The following CNKSR3 variants were observed in gnomAD, a reference collection of about 807,000 sequenced individuals.
CNKSR3 encodes the protein connector enhancer of kinase suppressor of ras 3.
In CNKSR3, 36 loss-of-function variants were observed where a neutral mutation model predicts 67.7. The observed-to-expected ratio is 0.53, with a 90% CI of 0.41 to 0.70. The LOEUF (loss-of-function observed/expected upper bound fraction) is 0.70. CNKSR3 is among the 30% of genes least tolerant of loss of function. The probability of loss-of-function intolerance (pLI) is 0.00; values close to 1 mark genes in which losing one functional copy is unlikely to be tolerated. For synonymous variants in CNKSR3, 281 were observed against 271.4 expected (o/e 1.04, Z -0.35); for missense variants, 630 against 695.2 (o/e 0.91, Z 1.05).
At chr6:154,413,789 C>G (rs1784957264) in intron 10 of CNKSR3, among the ~76,000 whole-genome samples, 1 of 152,028 alleles carries the variant, frequency 6.6e-6, no homozygotes, top group Non-Finnish European at 1.5e-5. Context: ...GCTCTGTCAC[C>G]CAGGCTGGAT....
intron 1 of CNKSR3, among the ~76,000 whole-genome samples, chr6:154,490,906 G>C (rs1391958425): frequency 6.6e-6 from 1 of 151,956 alleles, no homozygotes; most frequent in African/African-American, 2.4e-5. Context: ...GAGTGCAATG[G>C]CATGATCTTG....
intron 1 of CNKSR3, among the ~76,000 whole-genome samples, chr6:154,452,995 C>T (rs4870290): frequency 0.73 from 110,598 of 152,130 alleles, 40,748 homozygotes; most frequent in East Asian, 0.9. Flanking sequence ...AATACAAATA[C>T]AATAACATTT....
chr6:154,455,862 T>C (rs1316296710), intron 1 of CNKSR3, among the ~76,000 whole-genome samples: 1 of 111,384 alleles, frequency 9.0e-6, no homozygotes, highest in Admixed American at 1.1e-4. Context: ...AAAATAAAAC[T>C]CCAAGCCTCT....
At chr6:154,506,861 T>C (rs1488569298) in intron 1 of CNKSR3, among the ~76,000 whole-genome samples, 3 of 152,212 alleles carry the variant, frequency 2.0e-5, no homozygotes, top group Admixed American at 1.3e-4. Flanking sequence ...AGACATATAC[T>C]GGATGAGACT....
At chr6:154,474,671 T>A (rs766781642) in intron 1 of CNKSR3, among the ~76,000 whole-genome samples, 7 of 152,162 alleles carry the variant, frequency 4.6e-5, no homozygotes, top group Non-Finnish European at 5.9e-5. Flanking sequence ...GGTGTGCCCC[T>A]GGCACAGCCG....
chr6:154,490,091 CTTCT>C (rs1373573622), intron 1 of CNKSR3, among the ~76,000 whole-genome samples: 1 of 152,106 alleles, frequency 6.6e-6, no homozygotes, highest in Non-Finnish European at 1.5e-5. Flanking sequence ...TTAGTAGTTT[CTTCT>C]TTCTTTAATG....
At chr6:154,436,692 C>G (rs6935197) in intron 4 of CNKSR3, among the ~76,000 whole-genome samples, 57,550 of 151,730 alleles carry the variant, frequency 0.38, 11,391 homozygotes, top group Non-Finnish European at 0.43. Context: ...CAGCACCTGC[C>G]AGGGCCATTG....
In CNKSR3 at chr6:154,510,418, C is replaced by T. The variant is rs1297821872; in HGVS notation, c.-304G>A. 1 of 466,452 alleles carries T rather than the reference C, an allele frequency of 2.1e-6. No homozygotes were observed. The highest frequency in any genetic ancestry group is 3.8e-6 in the Non-Finnish European group (1 of 263,764). The allele number at this position is 466,452 out of a possible 1,614,324, so 28.9% of individuals were successfully genotyped here. On this transcript the variant is annotated 5_prime_UTR_variant, in exon 1 of 13. Coordinates refer to ENST00000607772, the MANE Select transcript of CNKSR3 (RefSeq NM_173515.4). ...GCTGCAGGCACGCCGGGCTGCGACCCCAGACCCCTGGCCTCGGCTCGGCAC... is the reference window on the plus strand; with the variant it reads ...GCTGCAGGCACGCCGGGCTGCGACCTCAGACCCCTGGCCTCGGCTCGGCAC...
At chr6:154,476,166 A>G (rs1786442764) in intron 1 of CNKSR3, among the ~76,000 whole-genome samples, 1 of 152,180 alleles carries the variant, frequency 6.6e-6, no homozygotes. Context: ...CTTCTAAGAC[A>G]GACCTTCGGG....
chr6:154,493,677 A>G (rs1446353317), intron 1 of CNKSR3, among the ~76,000 whole-genome samples: 1 of 152,200 alleles, frequency 6.6e-6, no homozygotes, highest in Non-Finnish European at 1.5e-5. Flanking sequence ...CAGGCTTTAC[A>G]GGAGGCATGG....
intron 1 of CNKSR3, among the ~76,000 whole-genome samples, chr6:154,505,830 C>T (rs762577949): frequency 2.6e-5 from 4 of 152,102 alleles, no homozygotes; most frequent in African/African-American, 9.7e-5. Flanking sequence ...CCTACCCACT[C>T]GAGGCTGATC....
At chr6:154,434,602 AT>A (rs1302030671) in intron 4 of CNKSR3, among the ~76,000 whole-genome samples, 2 of 152,146 alleles carry the variant, frequency 1.3e-5, no homozygotes, top group African/African-American at 4.8e-5. Flanking sequence ...TTTGTTTAAA[AT>A]TTTTTCTACT....
In CNKSR3 at chr6:154,480,261, A is replaced by G. The variant is rs1290784260; in HGVS notation, c.52+29802T>C. Among the ~76,000 whole-genome samples the G allele has an allele frequency of 5.9e-5, 9 of 152,224 alleles. No individual in the cohort carries two copies. The East Asian group carries it at 1.7e-3, about 29-fold the overall frequency. ...CTCTCCTGCTGTTTCATTAATGCTC[A>G]TAACAGCCATGTGATGTATTATTAT... On this transcript the variant is annotated intron_variant, in intron 1 of 12. Coordinates refer to ENST00000607772, the MANE Select transcript of CNKSR3 (RefSeq NM_173515.4).
At chr6:154,493,846 A>G (rs1049524871) in intron 1 of CNKSR3, among the ~76,000 whole-genome samples, 1 of 151,864 alleles carries the variant, frequency 6.6e-6, no homozygotes, top group African/African-American at 2.4e-5. Flanking sequence ...CACCTGGGGG[A>G]CATCTGCCCC....
intron 1 of CNKSR3, among the ~76,000 whole-genome samples, chr6:154,463,104 T>C (rs1033832892): frequency 4.6e-5 from 7 of 151,958 alleles, no homozygotes; most frequent in Non-Finnish European, 8.8e-5. Context: ...CTTTTTCTTT[T>C]TTTCTTTCCT....
intron 1 of CNKSR3, among the ~76,000 whole-genome samples, chr6:154,508,206 A>G (rs964304857): frequency 2.0e-5 from 3 of 152,264 alleles, no homozygotes; most frequent in African/African-American, 7.2e-5. Context: ...GACATATGTA[A>G]GAAGGTAAAA....
At chr6:154,428,007 G>C (rs1785288850) in intron 7 of CNKSR3, 121 bp downstream of exon 7, 1 of 673,572 alleles carries the variant, frequency 1.5e-6, no homozygotes, top group South Asian at 1.8e-5. Flanking sequence ...AAACAAAGCA[G>C]GTACCCACGC....
chr6:154,456,052 C>A (rs1438830452), intron 1 of CNKSR3, among the ~76,000 whole-genome samples: 1 of 152,152 alleles, frequency 6.6e-6, no homozygotes. Context: ...TGGCTATTCT[C>A]ATTTTCTGTA....
In CNKSR3 at chr6:154,404,424, C is replaced by G. The variant is rs929714182; in HGVS notation, c.*1930G>C. ...CCAGGCTGGTCTTGAACTCCTGACCCCAGGTAATCCACCCACCTTGGCCCC... is the reference window on the plus strand; with the variant it reads ...CCAGGCTGGTCTTGAACTCCTGACCGCAGGTAATCCACCCACCTTGGCCCC... On this transcript the variant is annotated 3_prime_UTR_variant, in exon 13 of 13. Coordinates refer to ENST00000607772, the MANE Select transcript of CNKSR3 (RefSeq NM_173515.4). 6.6e-6 allele frequency: 1 copy of G among 152,224 alleles called. No individual in the cohort carries two copies. Among genetic ancestry groups the G allele is most frequent in the Non-Finnish European group, 1.5e-5 (1 of 68,150 alleles). 9.4% of individuals were successfully genotyped at this position (152,224 alleles called of 1,614,324 possible).
Sources: allele counts gnomAD v4.1 joint callset (sites outside exome capture counted in the v4.1 genomes callset), GRCh38; gene constraint gnomAD v4.1.1; transcripts MANE v1.5; gene names NCBI Gene and HGNC (gene_info 2026-07-23, HGNC 2026-07-21).